Variants in GALNT15 observed in about 807,000 individuals in gnomAD.
The protein encoded by GALNT15 is polypeptide N-acetylgalactosaminyltransferase 15.
Under a neutral mutation model 66.8 loss-of-function variants are expected in GALNT15, and 67 were observed. That is an observed-to-expected ratio of 1.00 (90% CI 0.82 to 1.23). GALNT15 has a LOEUF of 1.23. Ranked by LOEUF, GALNT15 falls within the 50% of genes most tolerant of loss-of-function variation. GALNT15 has a pLI of 0.00. For synonymous variants in GALNT15, 313 were observed against 311.5 expected, an observed-to-expected ratio of 1.00 and a Z score of -0.05; for missense variants, 827 against 804.3, an observed-to-expected ratio of 1.03 and a Z score of -0.34.
the GALNT15 span, among the ~76,000 whole-genome samples, chr3:16,244,767 A>T: frequency 2.6e-5 from 4 of 152,194 alleles, no homozygotes; most frequent in African/African-American, 9.7e-5. Context: ...AATATTCCAG[A>T]TATGAGCCAG....
At chr3:16,213,916 T>C (rs1377913467) in intron 6 of GALNT15, among the ~76,000 whole-genome samples, 3 of 152,216 alleles carry the variant, frequency 2.0e-5, no homozygotes, top group African/African-American at 7.2e-5. Flanking sequence ...TAAGTGGGAA[T>C]AGCCTCCAGG....
At chr3:16,202,054 C>T (rs915642791) in intron 3 of GALNT15, among the ~76,000 whole-genome samples, 2 of 152,152 alleles carry the variant, frequency 1.3e-5, no homozygotes, top group Non-Finnish European at 2.9e-5. Context: ...TAGGGATGAT[C>T]AATCAAATAT....
Position 16,197,897 on chromosome 3 carries a change from C to T in GALNT15, c.706+1971C>T, listed in dbSNP as rs893059384. Among the ~76,000 whole-genome samples, 11 of 144,656 alleles carry T rather than the reference C, an allele frequency of 7.6e-5. 1 individual carries two copies. Among genetic ancestry groups the T allele is most frequent in the Non-Finnish European group, 3.1e-5 (2 of 64,808 alleles). 94.9% of individuals were successfully genotyped at this position (144,656 alleles called of 152,430 possible). On this transcript the variant is annotated intron_variant, in intron 2 of 9. Coordinates refer to ENST00000339732, the MANE Select transcript of GALNT15 (RefSeq NM_054110.5). ...CCCTCTGAGAATGCCAAACAACCAT[C>T]GCAGTCTGGAAGTTCTTCCTTATCT...
chr3:16,199,926 C>A (rs2063680683), intron 2 of GALNT15, among the ~76,000 whole-genome samples: 1 of 152,158 alleles, frequency 6.6e-6, no homozygotes, highest in African/African-American at 2.4e-5. Context: ...TTAAGGGGAG[C>A]TCAGGGAATC....
chr3:16,196,880 A>G (rs924024153), intron 2 of GALNT15, among the ~76,000 whole-genome samples: 1 of 152,118 alleles, frequency 6.6e-6, no homozygotes, highest in Non-Finnish European at 1.5e-5. Context: ...ACGTTTTTCT[A>G]AGGGGAATAA....
Position 16,188,163 on chromosome 3 carries a change from G to A in GALNT15, c.540-7597G>A, listed in dbSNP as rs752981230. Among the ~76,000 whole-genome samples the A allele has an allele frequency of 3.9e-5, 6 of 152,148 alleles. No individual in the cohort carries two copies. The South Asian group carries it at 6.2e-4, about 16-fold the overall frequency. The stretch of plus-strand genomic sequence containing the variant: ...CCCCCCAGACCATTATCCTGGCTCC[G>A]GCTGTATATACTTGTAAGGGGGCGT... On this transcript the variant is annotated intron_variant, in intron 1 of 9. Coordinates refer to ENST00000339732, the MANE Select transcript of GALNT15 (RefSeq NM_054110.5). This position sits in a 1 kb window ranked among gnomAD's most constrained non-coding sequence, Gnocchi z 4.6.
At chr3:16,234,978 A>G (rs1033482264), downstream of GALNT15, among the ~76,000 whole-genome samples, 10 of 146,626 alleles carry the variant, frequency 6.8e-5, no homozygotes, top group Admixed American at 4.2e-4. Context: ...GCTGGAGTGC[A>G]GTGGTGCGAT....
chr3:16,229,483 C>G lies in GALNT15; in HGVS notation c.*1983C>G. 1.0e-6 allele frequency: 1 copy of G among 981,746 alleles called. No individual in the cohort carries two copies. Among genetic ancestry groups the G allele is most frequent in the Non-Finnish European group, 1.2e-6 (1 of 826,560 alleles). 60.8% of individuals were successfully genotyped at this position (981,746 alleles called of 1,614,324 possible). A position where few individuals can be genotyped will look rare whatever the true frequency, so the allele number is the denominator to read the frequency against. On this transcript the variant is annotated 3_prime_UTR_variant, in exon 10 of 10. Coordinates refer to ENST00000339732, the MANE Select transcript of GALNT15 (RefSeq NM_054110.5). The stretch of plus-strand genomic sequence containing the variant: ...TCTGTTGGACCAATCTAGATAGATT[C>G]ATTATCCCATCTAGAGAAGAGACTT...
At chr3:16,202,018 T>C (rs2124872181) in intron 3 of GALNT15, among the ~76,000 whole-genome samples, 1 of 152,332 alleles carries the variant, frequency 6.6e-6, no homozygotes, top group Non-Finnish European at 1.5e-5. Flanking sequence ...CTACCCATGA[T>C]GAATGTTTAT....
intron 6 of GALNT15, among the ~76,000 whole-genome samples, chr3:16,213,011 A>C (rs1056091140): frequency 2.6e-5 from 4 of 151,996 alleles, no homozygotes; most frequent in Admixed American, 1.3e-4. Context: ...GATGACATCT[A>C]TGGGATGGGA....
rs1241558245 is a variant in GALNT15 at position 16,175,551 on chromosome 3, G to A, written c.400G>A (p.Asp134Asn). The A allele has an allele frequency of 6.2e-7, 1 of 1,614,078 alleles. No homozygotes were observed. Among genetic ancestry groups the A allele is most frequent in the Non-Finnish European group, 8.5e-7 (1 of 1,179,986 alleles). ...RRQDKEAPKR[D>N]WGADEDGEVS... Reference sequence around the variant, plus strand: ...GCAGGATAAGGAAGCCCCAAAGAGGGACTGGGGGGCTGATGAGGACGGGGA... The same window carrying A: ...GCAGGATAAGGAAGCCCCAAAGAGGAACTGGGGGGCTGATGAGGACGGGGA... The change falls in exon 1 of 10, where the codon GAC becomes AAC. Residue 134 changes from aspartate (D) to asparagine (N), a missense_variant. Asp to Asn is a conservative substitution (Grantham distance 23). Coordinates refer to ENST00000339732, the MANE Select transcript of GALNT15 (RefSeq NM_054110.5). This position sits in a 1 kb window ranked among gnomAD's most constrained non-coding sequence, Gnocchi z 5.6.
rs201939308 is a variant in GALNT15, at chr3:16,211,111, C to T, written c.1080-13C>T. 6.3e-7 allele frequency: 1 copy of T among 1,596,340 alleles called. No individual in the cohort carries two copies. Among genetic ancestry groups the T allele is most frequent in the Non-Finnish European group, 8.6e-7 (1 of 1,164,148 alleles). ...TTCTGAACTGCAGTGTCCTGCCTGT[C>T]TTCTGTGTCCAGGAGCCCTGTGGTG... On this transcript the variant is annotated splice_polypyrimidine_tract_variant and intron_variant, in intron 4 of 9. Coordinates refer to ENST00000339732, the MANE Select transcript of GALNT15 (RefSeq NM_054110.5). The surrounding 1 kb of genome is among the most constrained non-coding windows in gnomAD (Gnocchi z 4.3).
chr3:16,238,676 A>G, the GALNT15 span, among the ~76,000 whole-genome samples: 1 of 152,144 alleles, frequency 6.6e-6, no homozygotes, highest in Non-Finnish European at 1.5e-5. This position sits in a 1 kb window ranked among gnomAD's most constrained non-coding sequence, Gnocchi z 4.8. Context: ...TCACAAACCC[A>G]GTTTCATTTG....
rs376820795 is a variant in GALNT15 at position 16,175,253 on chromosome 3, C to T, written c.102C>T (p.His34=). 2 of 1,614,178 alleles carry T rather than the reference C, an allele frequency of 1.2e-6. No individual in the cohort carries two copies. Among genetic ancestry groups the T allele is most frequent in the South Asian group, 1.1e-5 (1 of 91,084 alleles). The change falls in exon 1 of 10, where the codon CAC becomes CAT. Residue 34 remains histidine (H), a synonymous_variant. Transcript: ENST00000339732. The surrounding 1 kb of genome is among the most constrained non-coding windows in gnomAD (Gnocchi z 5.6). ...GCVLMMVAML[H]PPHHTLHQTV... is the part of the protein sequence containing the mutation. ...TCCTGATGATGGTGGCGATGTTGCA[C>T]CCTCCCCACCACACCCTGCACCAGA... is the stretch of plus-strand genomic sequence containing the variant.
Position 16,227,975 on chromosome 3 carries a change from T to C in GALNT15, c.*475T>C. ...GACATTCCAAAAACTCTGAATTGGG[T>C]TTATTAGCACAAATGTTGTGTTCAT... On this transcript the variant is annotated 3_prime_UTR_variant, in exon 10 of 10. Transcript: ENST00000339732. The surrounding 1 kb of genome is among the most constrained non-coding windows in gnomAD (Gnocchi z 4.5). The C allele has an allele frequency of 1.0e-6, 1 of 993,380 alleles. No homozygotes were observed. The highest frequency in any genetic ancestry group is 1.7e-5 in the African/African-American group (1 of 57,358). 61.5% of individuals were successfully genotyped at this position (993,380 alleles called of 1,614,324 possible).
chr3:16,227,716 A>G lies in GALNT15; in HGVS notation c.*216A>G. 3.6e-6 allele frequency: 5 copies of G among 1,388,874 alleles called. No individual in the cohort carries two copies. The highest frequency in any genetic ancestry group is 4.6e-6 in the Non-Finnish European group (5 of 1,077,578). 86.0% of individuals were successfully genotyped at this position (1,388,874 alleles called of 1,614,324 possible). ...CTTTAAAAAAAAAAAAAAAGGATCC[A>G]TTGTACCGTTGTCTTCATCACTGGG... On this transcript the variant is annotated 3_prime_UTR_variant, in exon 10 of 10. Coordinates refer to ENST00000339732, the MANE Select transcript of GALNT15 (RefSeq NM_054110.5). The surrounding 1 kb of genome is among the most constrained non-coding windows in gnomAD (Gnocchi z 4.5).
At chr3:16,199,730 G>A (rs1480323791) in intron 2 of GALNT15, among the ~76,000 whole-genome samples, 1 of 152,176 alleles carries the variant, frequency 6.6e-6, no homozygotes, top group Non-Finnish European at 1.5e-5. Context: ...TGCGGGGTCT[G>A]TCTTGCTTTT....
the GALNT15 span, among the ~76,000 whole-genome samples, chr3:16,240,772 A>G: frequency 5.8e-4 from 88 of 151,924 alleles, no homozygotes; most frequent in African/African-American, 1.7e-3. Context: ...AACCTAAAGC[A>G]CTCTCCTTCC....
chr3:16,186,301 A>C lies in GALNT15; in HGVS notation c.540-9459A>C, dbSNP rs538993451. On this transcript the variant is annotated intron_variant, in intron 1 of 9. Coordinates refer to ENST00000339732, the MANE Select transcript of GALNT15 (RefSeq NM_054110.5). This position sits in a 1 kb window ranked among gnomAD's most constrained non-coding sequence, Gnocchi z 5.1. ...GTAAAAGACAGTGCAAGTGCTGACA[A>C]GGATGTGGAGAAATTGGAACCCTCA... is the stretch of plus-strand genomic sequence containing the variant. 1.2e-4 allele frequency among the ~76,000 whole-genome samples: 18 copies of C among 152,360 alleles called. No homozygotes were observed. The highest frequency in any genetic ancestry group is 9.8e-4 in the Admixed American group (15 of 15,310).
Sources: allele counts gnomAD v4.1 joint callset (sites outside exome capture counted in the v4.1 genomes callset), GRCh38; gene constraint gnomAD v4.1.1; non-coding constraint Gnocchi (gnomAD v3.1); transcripts MANE v1.5; gene names NCBI Gene and HGNC (gene_info 2026-07-23, HGNC 2026-07-21).